The following UVRAG variants were observed in gnomAD, a reference collection of about 807,000 sequenced individuals.
UVRAG encodes the protein UV radiation resistance associated.
A neutral mutation model predicts 78.0 loss-of-function variants in UVRAG; 19 were observed. That is an observed-to-expected ratio of 0.24 (90% CI 0.17 to 0.36). The LOEUF (loss-of-function observed/expected upper bound fraction) is 0.36, where lower values mean the gene tolerates loss of function less well. UVRAG is among the 10% of genes least tolerant of loss of function. The pLI, the probability that UVRAG is intolerant of heterozygous loss-of-function variation, is 1.00. For synonymous variants in UVRAG, 323 were observed against 324.6 expected (o/e 1.00, Z 0.05); for missense variants, 740 against 853.8 (o/e 0.87, Z 1.66).
chr11:75,967,291 G>A (rs1308415082), intron 7 of UVRAG, among the ~76,000 whole-genome samples: 3 of 152,112 alleles, frequency 2.0e-5, no homozygotes, highest in Admixed American at 2.0e-4. Context: ...TATTTTTGCT[G>A]TATCCTCCTG....
At chr11:75,966,812 C>A (rs886477940) in intron 7 of UVRAG, among the ~76,000 whole-genome samples, 4 of 152,158 alleles carry the variant, frequency 2.6e-5, no homozygotes, top group African/African-American at 9.7e-5. Flanking sequence ...TGAACATTGG[C>A]TCAGATTACA....
chr11:75,936,656 A>T (rs956714391), intron 6 of UVRAG, among the ~76,000 whole-genome samples: 1 of 152,154 alleles, frequency 6.6e-6, no homozygotes, highest in African/African-American at 2.4e-5. Flanking sequence ...TTCTGGCATA[A>T]TATATTACAG....
At chr11:75,978,750 A>G (rs1949315110) in intron 7 of UVRAG, among the ~76,000 whole-genome samples, 2 of 152,104 alleles carry the variant, frequency 1.3e-5, no homozygotes, top group South Asian at 4.1e-4. Context: ...TACGCTGTTT[A>G]TTCTAGTTAG....
In UVRAG at chr11:75,876,831, GTTT is replaced by G. The variant is rs368114316; in HGVS notation, c.271-3040_271-3038del. On this transcript the variant is annotated intron_variant, in intron 3 of 14. Coordinates refer to ENST00000356136, the MANE Select transcript of UVRAG (RefSeq NM_003369.4). ...TACATTCAGCAGTGAAAGCCCTTATGTTTTTTTTTTATTTTTTATTTTTTATTT... is the reference window on the plus strand; with the variant it reads ...TACATTCAGCAGTGAAAGCCCTTATGTTTTTTTATTTTTTATTTTTTATTT... 7.1e-3 allele frequency among the ~76,000 whole-genome samples: 1,056 copies of G among 148,948 alleles called. 9 individuals carry two copies. Among genetic ancestry groups the G allele is most frequent in the Middle Eastern group, 0.017 (5 of 292 alleles).
chr11:76,070,890 A>G (rs958055396), intron 13 of UVRAG, among the ~76,000 whole-genome samples: 1 of 152,162 alleles, frequency 6.6e-6, no homozygotes, highest in Admixed American at 6.5e-5. Flanking sequence ...GGTGATGAAA[A>G]AGTTTTGGAA....
intron 12 of UVRAG, among the ~76,000 whole-genome samples, chr11:76,024,563 T>C (rs1482607942): frequency 6.6e-6 from 1 of 152,208 alleles, no homozygotes; most frequent in African/African-American, 2.4e-5. Context: ...AATGGGCATG[T>C]CATATTATAA....
chr11:75,944,414 A>G (rs1483678821), intron 6 of UVRAG, among the ~76,000 whole-genome samples: 1 of 152,192 alleles, frequency 6.6e-6, no homozygotes, highest in African/African-American at 2.4e-5. Context: ...AAATGACAGA[A>G]AAGATAGGTC....
Position 76,062,776 on chromosome 11 carries a change from C to CT in UVRAG, c.1227-2933dup, listed in dbSNP as rs147505318. ...TTATTTTAAATAACAATAATACTGA[C>CT]TACTTCATTGTTTCACTGCATGCTT... is the stretch of plus-strand genomic sequence containing the variant. On this transcript the variant is annotated intron_variant, in intron 12 of 14. Coordinates refer to ENST00000356136, the MANE Select transcript of UVRAG (RefSeq NM_003369.4). Among the ~76,000 whole-genome samples the CT allele has an allele frequency of 4.0e-3, 611 of 152,298 alleles. 1 individual carries two copies. Among genetic ancestry groups the CT allele is most frequent in the African/African-American group, 0.014 (569 of 41,554 alleles).
intron 5 of UVRAG, among the ~76,000 whole-genome samples, chr11:75,905,545 T>A (rs1340539423): frequency 6.6e-6 from 1 of 152,252 alleles, no homozygotes; most frequent in Non-Finnish European, 1.5e-5. Context: ...TTATGTAGTA[T>A]GTGACCTTTT....
chr11:76,095,950 C>G (rs1387970209), intron 13 of UVRAG, among the ~76,000 whole-genome samples: 10 of 151,346 alleles, frequency 6.6e-5, no homozygotes, highest in Admixed American at 5.9e-4. Context: ...CAGATCAACT[C>G]TCCCACAGAT....
chr11:76,121,427 TA>T (rs1952273678), intron 14 of UVRAG, among the ~76,000 whole-genome samples: 1 of 152,270 alleles, frequency 6.6e-6, no homozygotes, highest in Non-Finnish European at 1.5e-5. Context: ...GAATGTCATT[TA>T]AACATCCTAG....
rs567185756 is a variant in UVRAG at position 75,884,031 on chromosome 11, A to AT, written c.432+3992dup. On this transcript the variant is annotated intron_variant, in intron 4 of 14. Coordinates refer to ENST00000356136, the MANE Select transcript of UVRAG (RefSeq NM_003369.4). ...AAACTGCCAGTTTTCCAAAGTGACT[A>AT]TAACATCCTGCATTCCCATCAGCAA... 2.9e-3 allele frequency among the ~76,000 whole-genome samples: 446 copies of AT among 152,312 alleles called. 4 individuals carry two copies. Among genetic ancestry groups the AT allele is most frequent in the African/African-American group, 0.01 (417 of 41,578 alleles).
chr11:75,961,658 A>G (rs1432892694), intron 7 of UVRAG, 109 bp downstream of exon 7: 5 of 760,020 alleles, frequency 6.6e-6, no homozygotes, highest in Non-Finnish European at 7.9e-6. Flanking sequence ...TTATCTTCTT[A>G]ATTGTCCACA....
chr11:76,115,902 T>A (rs1198369271), intron 13 of UVRAG, 22 bp from the exon 14 acceptor site: 2 of 1,610,294 alleles, frequency 1.2e-6, no homozygotes, highest in South Asian at 1.1e-5. Context: ...ATATCTTTAA[T>A]TCTATTTTTT....
chr11:76,040,125 CAT>C (rs1491308215), intron 12 of UVRAG, among the ~76,000 whole-genome samples: 2 of 151,692 alleles, frequency 1.3e-5, no homozygotes, highest in Non-Finnish European at 2.9e-5. Context: ...TTTCCCTGGG[CAT>C]TATCAAGTGT....
At chr11:76,121,624 C>T (rs983892614) in intron 14 of UVRAG, among the ~76,000 whole-genome samples, 4 of 152,062 alleles carry the variant, frequency 2.6e-5, no homozygotes, top group African/African-American at 9.7e-5. Flanking sequence ...TGTGATGGGG[C>T]CCCAGCATCC....
chr11:75,823,932 AC>A (rs1315572582), intron 1 of UVRAG, among the ~76,000 whole-genome samples: 2 of 152,206 alleles, frequency 1.3e-5, no homozygotes, highest in African/African-American at 4.8e-5. Context: ...ATGCAAAAAA[AC>A]ATGATAGAAG....
intron 12 of UVRAG, among the ~76,000 whole-genome samples, chr11:76,025,065 T>A (rs973714541): frequency 1.3e-5 from 2 of 152,204 alleles, no homozygotes; most frequent in Non-Finnish European, 2.9e-5. Context: ...GACCGATTTC[T>A]TTTCTTTGTC....
chr11:76,079,429 G>A (rs1475235763), intron 13 of UVRAG, among the ~76,000 whole-genome samples: 1 of 151,820 alleles, frequency 6.6e-6, no homozygotes, highest in Non-Finnish European at 1.5e-5. Flanking sequence ...AGGCTTTAGT[G>A]AGCTATGATT....
Sources: gnomAD v4.1 joint callset for allele counts (sites outside exome capture counted in the v4.1 genomes callset) on GRCh38, gnomAD v4.1.1 for gene constraint, MANE v1.5 for transcripts, NCBI Gene and HGNC (gene_info 2026-07-23, HGNC 2026-07-21) for gene names.